Variants in COL4A4 observed in about 807,000 individuals in gnomAD.
The protein encoded by COL4A4 is collagen alpha-4(IV) chain.
COL4A4 carries 105 observed loss-of-function variants against 192.9 expected under a neutral mutation model. That is an observed-to-expected ratio of 0.54 (90% CI 0.46 to 0.64). COL4A4 has a LOEUF of 0.64. Among genes scored for constraint, COL4A4 ranks in the 30% least tolerant of loss-of-function variants. COL4A4 has a pLI of 0.00. For synonymous variants in COL4A4, 762 were observed against 769.9 expected, an observed-to-expected ratio of 0.99 and a Z score of 0.17; for missense variants, 1,967 against 2,169.3, an observed-to-expected ratio of 0.91 and a Z score of 1.85.
chr2:227,067,225 G>T, intron 25 of COL4A4, among the ~76,000 whole-genome samples: 1 of 151,798 alleles, frequency 6.6e-6, no homozygotes, highest in Non-Finnish European at 1.5e-5. Context: ...AGCAAGTCCT[G>T]AGTGACCTAC....
At chr2:226,987,595 A>G in the COL4A4 span, among the ~76,000 whole-genome samples, 4 of 152,178 alleles carry the variant, frequency 2.6e-5, no homozygotes, top group Non-Finnish European at 4.4e-5. Context: ...GAACAAAACA[A>G]TCATGGACAC....
intron 44 of COL4A4, among the ~76,000 whole-genome samples, chr2:227,013,854 CA>C (rs1377128386): frequency 6.6e-6 from 1 of 152,196 alleles, no homozygotes; most frequent in Admixed American, 6.5e-5. Context: ...CCCAGGAATT[CA>C]TGGAGCCTCC....
chr2:227,024,260 C>T (rs144858143), intron 43 of COL4A4, among the ~76,000 whole-genome samples: 1,893 of 152,322 alleles, frequency 0.012, 41 homozygotes, highest in African/African-American at 0.043. Context: ...CCTGTAATCC[C>T]AGCACTTTGG....
rs895648453 is a variant in COL4A4, at chr2:227,027,932, G to C, written c.4051C>G (p.Pro1351Ala). Reference protein sequence around the residue: ...PPGEKGLPGPPGRKGPTGLPG... With the variant: ...PPGEKGLPGPAGRKGPTGLPG... ...AGACCAGTGGGCCCTTTTCTCCCTG[G>C]AGGTCCAGGTAAACCCTTCTCTCCA... The change falls in exon 42 of 48, where the codon CCA becomes GCA. Residue 1351 changes from proline to alanine, a missense_variant. Coordinates refer to ENST00000396625, the MANE Select transcript of COL4A4 (RefSeq NM_000092.5). The C allele has an allele frequency of 2.5e-6, 4 of 1,613,834 alleles. No individual in the cohort carries two copies. The African/African-American group carries it at 5.3e-5, about 22-fold the overall frequency.
rs1351013147 is a variant in COL4A4, at chr2:227,041,701, AGAGAAGGAAGGAAGG to A, written c.3505+432_3505+446del. On this transcript the variant is annotated intron_variant, in intron 37 of 47. Coordinates refer to ENST00000396625, the MANE Select transcript of COL4A4 (RefSeq NM_000092.5). ...AAGAAAGAAAGACAGAGAGAGAGAG[AGAGAAGGAAGGAAGG>A]GAGGAGGAAGGAAGGAAGGAAGGAA... 1.4e-3 allele frequency among the ~76,000 whole-genome samples: 199 copies of A among 138,828 alleles called. 3 individuals are homozygous for A. Among genetic ancestry groups the A allele is most frequent in the African/African-American group, 5.4e-3 (183 of 33,656 alleles). The allele number at this position is 138,828 out of a possible 152,430, so 91.1% of individuals were successfully genotyped here.
At chr2:227,068,251 A>T (rs1008744378) in intron 25 of COL4A4, among the ~76,000 whole-genome samples, 2 of 152,192 alleles carry the variant, frequency 1.3e-5, no homozygotes, top group Admixed American at 1.3e-4. Flanking sequence ...AAAAGGGTCC[A>T]GGACCAGATG....
chr2:227,081,332 G>T (rs2059314519), intron 23 of COL4A4, among the ~76,000 whole-genome samples: 1 of 152,220 alleles, frequency 6.6e-6, no homozygotes, highest in South Asian at 2.1e-4. Context: ...AAGCTGGCTT[G>T]CTGAGTCTTC....
At chr2:227,043,897 A>AATCCCCCCAATTATCCCCTTAATGT (rs1971938125) in intron 35 of COL4A4, among the ~76,000 whole-genome samples, 1 of 152,210 alleles carries the variant, frequency 6.6e-6, no homozygotes, top group East Asian at 1.9e-4. Context: ...CCCATACTTG[A>AATCCCCCCAATTATCCCCTTAATGT]ATCCCCCCAA....
At chr2:227,027,840 C>T in intron 42 of COL4A4, 62 bp downstream of exon 42, 1 of 1,171,612 alleles carries the variant, frequency 8.5e-7, no homozygotes, top group Non-Finnish European at 1.3e-6. Context: ...TAACTACTTT[C>T]TGAACGATGA....
intron 37 of COL4A4, among the ~76,000 whole-genome samples, chr2:227,038,124 G>A (rs927880733): frequency 6.6e-6 from 1 of 152,122 alleles, no homozygotes; most frequent in African/African-American, 2.4e-5. Context: ...AGGTGTTTTA[G>A]GCATGAAGTC....
intron 1 of COL4A4, among the ~76,000 whole-genome samples, chr2:227,149,418 G>A (rs184718627): frequency 2.0e-5 from 3 of 152,240 alleles, no homozygotes; most frequent in Admixed American, 2.0e-4. Flanking sequence ...GGCCAGTAAA[G>A]CCCCTTCCTC....
intron 44 of COL4A4, among the ~76,000 whole-genome samples, chr2:227,016,703 G>A (rs528859433): frequency 2.0e-5 from 3 of 152,098 alleles, no homozygotes; most frequent in African/African-American, 4.8e-5. Flanking sequence ...ACATCCCTAC[G>A]ACCAGCCAGT....
At chr2:227,147,994 G>GAAAC (rs2063661138) in intron 1 of COL4A4, among the ~76,000 whole-genome samples, 1 of 151,884 alleles carries the variant, frequency 6.6e-6, no homozygotes, top group African/African-American at 2.4e-5. Context: ...GAAACTTCTA[G>GAAAC]TATACAAACA....
chr2:227,089,977 G>A lies in COL4A4; in HGVS notation c.1370-20C>T. 6.3e-7 allele frequency: 1 copy of A among 1,589,040 alleles called. No homozygotes were observed. The highest frequency in any genetic ancestry group is 8.6e-7 in the Non-Finnish European group (1 of 1,158,138). ...ATATCACTGTCAAGGAGGTAAGGGG[G>A]TGGGCAGAGAGAATCACATAATTTT... On this transcript the variant is annotated intron_variant, in intron 20 of 47. Coordinates refer to ENST00000396625, the MANE Select transcript of COL4A4 (RefSeq NM_000092.5).
chr2:226,978,873 C>T, the COL4A4 span, among the ~76,000 whole-genome samples: 1 of 152,136 alleles, frequency 6.6e-6, no homozygotes, highest in Non-Finnish European at 1.5e-5. Context: ...TTTTGAAAAG[C>T]TCTCCCAGCT....
At chr2:226,997,257 A>G in the COL4A4 span, 1 of 152,202 alleles carries the variant, frequency 6.6e-6, no homozygotes, top group Non-Finnish European at 1.5e-5. Context: ...AATGTGTTTA[A>G]ATTAAAATAT....
At chr2:227,146,822 C>A (rs907160379) in intron 2 of COL4A4, among the ~76,000 whole-genome samples, 4 of 152,126 alleles carry the variant, frequency 2.6e-5, no homozygotes, top group African/African-American at 9.7e-5. Flanking sequence ...TTTTTGTAGT[C>A]AAAGCTCCTT....
At chr2:227,008,489 C>T (rs957102625) in intron 46 of COL4A4, among the ~76,000 whole-genome samples, 185 bp from the exon 47 acceptor site, 1 of 152,186 alleles carries the variant, frequency 6.6e-6, no homozygotes, top group Non-Finnish European at 1.5e-5. Context: ...CAGCCCTCAT[C>T]CCCTCATCCC....
intron 9 of COL4A4, 142 bp from the exon 10 acceptor site, chr2:227,109,428 A>C: frequency 1.3e-6 from 1 of 764,532 alleles, no homozygotes; most frequent in Non-Finnish European, 2.4e-6. Flanking sequence ...GGACATTTTC[A>C]ACAGCAGCTT....
Sources: allele counts gnomAD v4.1 joint callset (sites outside exome capture counted in the v4.1 genomes callset), GRCh38; gene constraint gnomAD v4.1.1; transcripts MANE v1.5; gene names NCBI Gene and HGNC (gene_info 2026-07-23, HGNC 2026-07-21).